The following IFT140 variants were observed in gnomAD, a reference collection of about 807,000 sequenced individuals.
IFT140 encodes the protein intraflagellar transport 140.
Under a neutral mutation model 164.6 loss-of-function variants are expected in IFT140, and 133 were observed. The observed-to-expected ratio is 0.81, with a 90% CI of 0.70 to 0.93. IFT140 has a LOEUF of 0.93. IFT140 is among the 40% of genes least tolerant of loss of function. The probability of loss-of-function intolerance (pLI) is 0.00; values close to 1 mark genes in which losing one functional copy is unlikely to be tolerated. For missense variants in IFT140, 2,045 were observed against 1,972.3 expected (o/e 1.04, Z -0.70); for synonymous variants, 860 against 817.3 (o/e 1.05, Z -0.89).
Position 1,519,828 on chromosome 16 carries a change from G to A in IFT140, c.4040+53C>T, listed in dbSNP as rs142643393. ...GCTGGGGTTTCTCGTGGTCAGCCCC[G>A]GCCCTGTAGTCACATCTGCCCTGGC... On this transcript the variant is annotated intron_variant, in intron 29 of 30. Coordinates refer to ENST00000426508, the MANE Select transcript of IFT140 (RefSeq NM_014714.4). The A allele has an allele frequency of 3.7e-3, 5,505 of 1,480,368 alleles. 19 individuals carry two copies. Among genetic ancestry groups the A allele is most frequent in the South Asian group, 5.7e-3 (405 of 71,330 alleles). 91.7% of individuals were successfully genotyped at this position (1,480,368 alleles called of 1,614,324 possible).
intron 19 of IFT140, chr16:1,557,630 T>A (rs377559838): frequency 2.8e-5 from 9 of 318,936 alleles, no homozygotes; most frequent in African/African-American, 1.9e-4. Context: ...TTGTCCAAAC[T>A]TCTGTTTAGG....
chr16:1,609,255 T>C (rs564217382), intron 2 of IFT140, among the ~76,000 whole-genome samples: 94 of 152,290 alleles, frequency 6.2e-4, no homozygotes, highest in Non-Finnish European at 1.1e-3. Flanking sequence ...AAAATATTTC[T>C]CTGAAAAATG....
At chr16:1,554,790 C>G in intron 19 of IFT140, 1 of 1,614,160 alleles carries the variant, frequency 6.2e-7, no homozygotes, top group Non-Finnish European at 8.5e-7. Context: ...AGGTTTTGTC[C>G]TGGTCATCGG....
intron 13 of IFT140, among the ~76,000 whole-genome samples, chr16:1,574,172 A>G (rs956990311): frequency 3.3e-5 from 5 of 152,206 alleles, no homozygotes; most frequent in African/African-American, 1.2e-4. Flanking sequence ...TTTCGGCCTT[A>G]AAAACCTGCC....
At position 1,602,527 on chromosome 16, in the gene IFT140, G is replaced by T; in HGVS notation, c.212C>A (p.Pro71Gln). ...PFRVASLCWH[P>Q]TRLVLAVGWE... ...GCCCACAGCCAGCACCAGCCGCGTC[G>T]GGTGCCAGCACAGGGAAGCAACCCG... Residue 71 changes from proline to glutamine, a missense_variant, in exon 4 of 31, where the codon CCG (proline) becomes CAG (glutamine). Physicochemically the swap from Pro to Gln is moderately conservative, Grantham distance 76 (BLOSUM62 -1). Coordinates refer to ENST00000426508, the MANE Select transcript of IFT140 (RefSeq NM_014714.4). 1 of 1,614,026 alleles carries T rather than the reference G, an allele frequency of 6.2e-7. No individual in the cohort carries two copies. The highest frequency in any genetic ancestry group is 8.5e-7 in the Non-Finnish European group (1 of 1,180,020).
chr16:1,529,329 C>A (rs1229814304), intron 19 of IFT140, among the ~76,000 whole-genome samples: 1 of 152,190 alleles, frequency 6.6e-6, no homozygotes, highest in Non-Finnish European at 1.5e-5. Flanking sequence ...GTCTGGGGGG[C>A]CGGGAAGTGA....
Position 1,566,149 on chromosome 16 carries a change from C to T in IFT140, c.1901+12G>A. 1.2e-6 allele frequency: 2 copies of T among 1,610,948 alleles called. No homozygotes were observed. Among genetic ancestry groups the T allele is most frequent in the Non-Finnish European group, 1.7e-6 (2 of 1,178,240 alleles). ...TTTTTTCCAACAAAATCCTCCTGAACCACAATCTTACTTATTAGTCTCTTG... is the reference window on the plus strand; with the variant it reads ...TTTTTTCCAACAAAATCCTCCTGAATCACAATCTTACTTATTAGTCTCTTG... On this transcript the variant is annotated intron_variant, in intron 16 of 30. Coordinates refer to ENST00000426508, the MANE Select transcript of IFT140 (RefSeq NM_014714.4).
chr16:1,535,917 C>T (rs115023250), intron 19 of IFT140, among the ~76,000 whole-genome samples: 63 of 152,388 alleles, frequency 4.1e-4, no homozygotes, highest in Non-Finnish European at 7.5e-4. Flanking sequence ...CTTGGGTCTC[C>T]GCGTGACTCC....
At chr16:1,563,402 G>C (rs1395935517) in intron 17 of IFT140, among the ~76,000 whole-genome samples, 2 of 150,730 alleles carry the variant, frequency 1.3e-5, no homozygotes. Context: ...GCAGTGAGCT[G>C]AGATTGCACC....
At chr16:1,514,334 C>T (rs2040281477) in intron 30 of IFT140, 1 of 152,008 alleles carries the variant, frequency 6.6e-6, no homozygotes, top group Non-Finnish European at 1.5e-5. Context: ...CACGCCACTG[C>T]ACTCCAGCCT....
chr16:1,528,406 C>T (rs1404898116), intron 19 of IFT140, among the ~76,000 whole-genome samples: 1 of 145,992 alleles, frequency 6.8e-6, no homozygotes, highest in African/African-American at 2.7e-5. Flanking sequence ...CGGATGCACA[C>T]ACATGGACGC....
chr16:1,519,105 C>T (rs943028788), intron 29 of IFT140, among the ~76,000 whole-genome samples: 1 of 152,258 alleles, frequency 6.6e-6, no homozygotes, highest in African/African-American at 2.4e-5. Flanking sequence ...CGCTCCTGCC[C>T]TGTGGCCTCA....
chr16:1,520,559 C>G (rs1435517070), intron 27 of IFT140, 43 bp downstream of exon 27: 1 of 1,527,218 alleles, frequency 6.5e-7, no homozygotes, highest in Admixed American at 2.0e-5. Context: ...CGCAGCCTAA[C>G]TGCCTGTGAG....
chr16:1,611,829 G>T (rs1444813799), intron 1 of IFT140, 139 bp downstream of exon 1: 1 of 149,140 alleles, frequency 6.7e-6, no homozygotes, highest in Non-Finnish European at 1.5e-5. Flanking sequence ...AAAAAAAAAA[G>T]AAAGAAAGAA....
At position 1,562,077 on chromosome 16, in the gene IFT140, G is replaced by A. The variant is rs914263993; in HGVS notation, c.2107C>T (p.His703Tyr). 1 of 1,611,638 alleles carries A rather than the reference G, an allele frequency of 6.2e-7. No homozygotes were observed. The highest frequency in any genetic ancestry group is 1.3e-5 in the African/African-American group (1 of 74,834). Residue 703 changes from histidine to tyrosine, a missense_variant, in exon 18 of 31, where the codon CAC becomes TAC. Coordinates refer to ENST00000426508, the MANE Select transcript of IFT140 (RefSeq NM_014714.4). Reference sequence around the variant, plus strand: ...AAGCTCTCATGAAGCAGGAAGCCGTGCTCTTCGGAAATGAAGAAGGACAGG... The same window carrying A: ...AAGCTCTCATGAAGCAGGAAGCCGTACTCTTCGGAAATGAAGAAGGACAGG... Reference protein sequence around the residue: ...LILSFFISEEHGFLLHESFPR... With the variant: ...LILSFFISEEYGFLLHESFPR...
chr16:1,599,927 C>T (rs1440937633), intron 4 of IFT140, among the ~76,000 whole-genome samples: 7 of 120,812 alleles, frequency 5.8e-5, no homozygotes, highest in South Asian at 2.9e-4. Context: ...CCCCTCTGCC[C>T]GGCCACCACC....
chr16:1,519,307 C>T (rs3784822), intron 29 of IFT140, among the ~76,000 whole-genome samples: 7,559 of 152,306 alleles, frequency 0.05, 441 homozygotes, highest in East Asian at 0.18. Flanking sequence ...AGCGCACAGG[C>T]GAGTGCCCAC....
At chr16:1,519,017 C>T (rs1440445454) in intron 29 of IFT140, among the ~76,000 whole-genome samples, 3 of 152,188 alleles carry the variant, frequency 2.0e-5, no homozygotes, top group Non-Finnish European at 2.9e-5. Context: ...AGGTTGCCCA[C>T]CCTGGCCCTC....
At chr16:1,592,348 T>A in intron 5 of IFT140, 30 bp from the exon 6 acceptor site, 1 of 1,613,832 alleles carries the variant, frequency 6.2e-7, no homozygotes, top group Non-Finnish European at 8.5e-7. Context: ...GAAGCAAGAT[T>A]CTTCTGCCAC....
Sources: gnomAD v4.1 joint callset for allele counts (sites outside exome capture counted in the v4.1 genomes callset) on GRCh38, gnomAD v4.1.1 for gene constraint, MANE v1.5 for transcripts, NCBI Gene and HGNC (gene_info 2026-07-23, HGNC 2026-07-21) for gene names.